Variants in HEG1 observed in about 807,000 individuals in gnomAD.
The protein encoded by HEG1 is protein HEG homolog 1.
A neutral mutation model predicts 125.6 loss-of-function variants in HEG1; 56 were observed. The observed-to-expected ratio is 0.45, with a 90% CI of 0.36 to 0.56. The LOEUF is 0.56. HEG1 is among the 20% of genes least tolerant of loss of function. The probability of loss-of-function intolerance (pLI) is 0.00; values close to 1 mark genes in which losing one functional copy is unlikely to be tolerated. For synonymous variants in HEG1, 644 were observed against 668.5 expected (o/e 0.96, Z 0.57); for missense variants, 1,523 against 1,670.0 (o/e 0.91, Z 1.53).
At chr3:125,011,996 C>A (rs747996327) in intron 6 of HEG1, among the ~76,000 whole-genome samples, 4 of 152,160 alleles carry the variant, frequency 2.6e-5, no homozygotes, top group African/African-American at 7.2e-5. Flanking sequence ...TCTGGCCGTG[C>A]GGTCACTGTG....
At chr3:124,985,709 C>T (rs1255561340) in intron 14 of HEG1, among the ~76,000 whole-genome samples, 6 of 152,160 alleles carry the variant, frequency 3.9e-5, no homozygotes, top group Non-Finnish European at 8.8e-5. Context: ...CTGCGCTGCC[C>T]AGGAGTGGGG....
intron 1 of HEG1, among the ~76,000 whole-genome samples, chr3:125,053,679 A>G (rs12630445): frequency 0.016 from 2,376 of 152,266 alleles, 65 homozygotes; most frequent in East Asian, 0.12. Context: ...CCAGTACCTC[A>G]TATACCTGAA....
Position 124,997,746 on chromosome 3 carries a change from G to A in HEG1, c.3595C>T (p.Leu1199=). The change falls in exon 12 of 17, where the codon CTG becomes TTG. Residue 1199 remains leucine (L), a synonymous_variant. Coordinates refer to ENST00000311127, the MANE Select transcript of HEG1 (RefSeq NM_020733.2). ...AAGTATCCCGACTTGCACTGGCACA[G>A]GGCAACGCCGTCCAGGTCAGTGCAG... The part of the protein sequence containing the change: ...SICTDLDGVA[L]CQCKSGYFQF... The A allele has an allele frequency of 3.1e-6, 5 of 1,598,398 alleles. No homozygotes were observed. Among genetic ancestry groups the A allele is most frequent in the East Asian group, 4.5e-5 (2 of 44,364 alleles).
intron 1 of HEG1, among the ~76,000 whole-genome samples, chr3:125,043,216 G>C (rs537711551): frequency 2.2e-4 from 34 of 152,284 alleles, no homozygotes; most frequent in Non-Finnish European, 4.1e-4. Context: ...CATTCTCTCC[G>C]GGTGACAGAC....
intron 1 of HEG1, among the ~76,000 whole-genome samples, chr3:125,033,159 T>A (rs554290291): frequency 5.5e-4 from 84 of 152,300 alleles, no homozygotes; most frequent in Middle Eastern, 3.4e-3. Context: ...AATATTTTTT[T>A]AAAAAAATTT....
chr3:125,030,088 G>A (rs960289664), intron 1 of HEG1, among the ~76,000 whole-genome samples: 1 of 152,192 alleles, frequency 6.6e-6, no homozygotes, highest in South Asian at 2.1e-4. Context: ...CCTGTGCAGG[G>A]TCAGAGAGGG....
At chr3:125,036,078 C>T (rs1001555431) in intron 1 of HEG1, among the ~76,000 whole-genome samples, 2 of 151,582 alleles carry the variant, frequency 1.3e-5, no homozygotes, top group Non-Finnish European at 2.9e-5. Flanking sequence ...GGCATGGTGG[C>T]ACATGCCTGT....
At chr3:124,991,889 C>T (rs1414253562) in intron 12 of HEG1, among the ~76,000 whole-genome samples, 4 of 152,220 alleles carry the variant, frequency 2.6e-5, no homozygotes, top group Non-Finnish European at 4.4e-5. Context: ...GGATTAAAGG[C>T]GTGAACCACC....
intron 12 of HEG1, among the ~76,000 whole-genome samples, chr3:124,997,432 A>C (rs1936938332): frequency 6.6e-6 from 1 of 152,260 alleles, no homozygotes; most frequent in Middle Eastern, 3.2e-3. Flanking sequence ...AAGAAAAGGC[A>C]CTGCTACCAC....
intron 7 of HEG1, 149 bp downstream of exon 7, chr3:125,010,290 A>C: frequency 1.7e-6 from 1 of 587,056 alleles, no homozygotes; most frequent in Non-Finnish European, 3.0e-6. Flanking sequence ...TCTCCTGCAG[A>C]TCACAACCTA....
At chr3:125,054,378 T>C (rs1410562042) in intron 1 of HEG1, among the ~76,000 whole-genome samples, 1 of 152,230 alleles carries the variant, frequency 6.6e-6, no homozygotes, top group African/African-American at 2.4e-5. Context: ...GGGAATACTG[T>C]TGAATATGAA....
At chr3:124,999,881 G>A (rs1270100083) in intron 11 of HEG1, among the ~76,000 whole-genome samples, 1 of 152,174 alleles carries the variant, frequency 6.6e-6, no homozygotes, top group African/African-American at 2.4e-5. Flanking sequence ...TAAACCTCTG[G>A]AGATGACAAG....
chr3:125,002,707 G>A (rs1416976315), intron 9 of HEG1, among the ~76,000 whole-genome samples: 1 of 152,144 alleles, frequency 6.6e-6, no homozygotes, highest in Non-Finnish European at 1.5e-5. Flanking sequence ...AGCTACTCTA[G>A]GTCTGACAGG....
At position 124,976,621 on chromosome 3, in the gene HEG1, T is replaced by C. The variant is rs1936546537; in HGVS notation, c.3821+1238A>G. ...TTTCGTGTGTGCCACGATCGGGATA[T>C]AGTTTGTCCCCACCCAGTCTCATGC... On this transcript the variant is annotated intron_variant, in intron 15 of 16. Transcript: ENST00000311127. Among the ~76,000 whole-genome samples, 3 of 152,044 alleles carry C rather than the reference T, an allele frequency of 2.0e-5. No homozygotes were observed. In the South Asian group the frequency reaches 6.2e-4, roughly 32 times the overall value.
At position 125,055,968 on chromosome 3, in the gene HEG1, G is replaced by GCCGCGCGGGGC. The variant is rs1253915255; in HGVS notation, c.-89_-79dup. 1 of 784,714 alleles carries GCCGCGCGGGGC rather than the reference G, an allele frequency of 1.3e-6. No individual in the cohort carries two copies. Among genetic ancestry groups the GCCGCGCGGGGC allele is most frequent in the Non-Finnish European group, 1.5e-6 (1 of 650,694 alleles). 48.6% of individuals were successfully genotyped at this position (784,714 alleles called of 1,614,324 possible). On this transcript the variant is annotated 5_prime_UTR_variant, in exon 1 of 17. Transcript: ENST00000311127. ...GGGCAGCGGGCAGCGGGCGGCGGGG[G>GCCGCGCGGGGC]CCGCGCGGGGCCGGGGAAGTGAGCG...
chr3:125,033,463 G>A (rs1937517582), intron 1 of HEG1, among the ~76,000 whole-genome samples: 1 of 152,080 alleles, frequency 6.6e-6, no homozygotes, highest in African/African-American at 2.4e-5. Flanking sequence ...CCCGCAGAAG[G>A]GCACAGCAAG....
chr3:125,006,823 C>T (rs911457230), intron 8 of HEG1, among the ~76,000 whole-genome samples: 10 of 152,206 alleles, frequency 6.6e-5, no homozygotes, highest in South Asian at 2.1e-4. Context: ...ACCCTCTGCA[C>T]GCAGGCTTCC....
chr3:124,992,319 T>C (rs1936848311), intron 12 of HEG1, among the ~76,000 whole-genome samples: 1 of 152,218 alleles, frequency 6.6e-6, no homozygotes, highest in South Asian at 2.1e-4. Flanking sequence ...CCTGAATTTA[T>C]GTGATCACAG....
chr3:124,977,182 C>A (rs918879994), intron 15 of HEG1, among the ~76,000 whole-genome samples: 3 of 152,182 alleles, frequency 2.0e-5, no homozygotes, highest in Admixed American at 2.0e-4. Flanking sequence ...CTCCTCTTTG[C>A]CTTCCACCAT....
Sources: gnomAD v4.1 joint callset for allele counts (sites outside exome capture counted in the v4.1 genomes callset) on GRCh38, gnomAD v4.1.1 for gene constraint, MANE v1.5 for transcripts, NCBI Gene and HGNC (gene_info 2026-07-23, HGNC 2026-07-21) for gene names.